PRDM5: variants seen among roughly 807,000 people sequenced by gnomAD.
PRDM5 encodes PR domain zinc finger protein 5.
In PRDM5, 56 loss-of-function variants were observed where a neutral mutation model predicts 81.2. The ratio of observed to expected loss-of-function variants is 0.69; its 90% CI spans 0.56 to 0.86. The LOEUF is 0.86. Among genes scored for constraint, PRDM5 ranks in the 40% least tolerant of loss-of-function variants. The pLI is 0.00. For missense variants in PRDM5, 697 were observed against 770.1 expected (o/e 0.91, Z 1.12); for synonymous variants, 267 against 256.4 (o/e 1.04, Z -0.39).
At chr4:120,913,337 G>C (rs1297885568) in intron 1 of PRDM5, among the ~76,000 whole-genome samples, 1 of 152,152 alleles carries the variant, frequency 6.6e-6, no homozygotes, top group Non-Finnish European at 1.5e-5. Context: ...CTGACATTTT[G>C]AGCCACTGAA....
intron 3 of PRDM5, chr4:120,838,397 C>T (rs1199560808): frequency 7.9e-5 from 12 of 152,138 alleles, no homozygotes; most frequent in Non-Finnish European, 1.5e-4. Context: ...TCAGCATATC[C>T]ATCATCTCAA....
At chr4:120,910,955 T>C (rs939396684) in intron 1 of PRDM5, among the ~76,000 whole-genome samples, 4 of 152,340 alleles carry the variant, frequency 2.6e-5, no homozygotes, top group African/African-American at 7.2e-5. Context: ...TCTTCCATTT[T>C]CTTGCTGTCC....
At chr4:120,728,293 C>CT in intron 14 of PRDM5, among the ~76,000 whole-genome samples, 1 of 152,154 alleles carries the variant, frequency 6.6e-6, no homozygotes, top group Admixed American at 6.5e-5. Context: ...ATCCATCTGT[C>CT]TGATATGTCA....
intron 8 of PRDM5, among the ~76,000 whole-genome samples, chr4:120,805,440 C>T (rs1752773326): frequency 1.3e-5 from 2 of 152,136 alleles, no homozygotes; most frequent in African/African-American, 4.8e-5. Flanking sequence ...AACATCGATG[C>T]AAAAATCCTC....
chr4:120,751,552 C>CATGT (rs981969854), intron 14 of PRDM5, among the ~76,000 whole-genome samples: 1 of 151,890 alleles, frequency 6.6e-6, no homozygotes, highest in African/African-American at 2.4e-5. Flanking sequence ...TAGCAGACTA[C>CATGT]AGATCTAAGC....
At chr4:120,887,091 G>A (rs1438218548) in intron 2 of PRDM5, among the ~76,000 whole-genome samples, 9 of 151,916 alleles carry the variant, frequency 5.9e-5, no homozygotes, top group African/African-American at 1.2e-4. Flanking sequence ...GACTACAGGC[G>A]CCCGCCACCA....
chr4:120,904,412 C>G (rs1397776338), intron 2 of PRDM5, among the ~76,000 whole-genome samples: 7 of 151,820 alleles, frequency 4.6e-5, no homozygotes, highest in Non-Finnish European at 1.0e-4. Context: ...TGGAAGGGAA[C>G]AGAGACTTTT....
intron 2 of PRDM5, among the ~76,000 whole-genome samples, chr4:120,885,114 G>A (rs556398968): frequency 6.7e-5 from 8 of 120,110 alleles, no homozygotes; most frequent in African/African-American, 1.7e-4. Context: ...CAGCCTGGGC[G>A]ACAGAGCAAG....
intron 2 of PRDM5, among the ~76,000 whole-genome samples, chr4:120,867,840 G>T (rs979783667): frequency 2.6e-5 from 4 of 152,210 alleles, no homozygotes; most frequent in Non-Finnish European, 4.4e-5. Flanking sequence ...TAGCACAAAA[G>T]TGAGAAAAAC....
At chr4:120,916,011 T>C (rs1363558950) in intron 1 of PRDM5, among the ~76,000 whole-genome samples, 3 of 152,182 alleles carry the variant, frequency 2.0e-5, no homozygotes, top group Non-Finnish European at 4.4e-5. Context: ...AGAAAATTCA[T>C]TGCCAGAAGA....
At chr4:120,744,476 A>C (rs945674478) in intron 14 of PRDM5, among the ~76,000 whole-genome samples, 6 of 151,832 alleles carry the variant, frequency 4.0e-5, no homozygotes, top group African/African-American at 1.5e-4. Context: ...CCTTCAAAAA[A>C]TTAATGAATC....
intron 4 of PRDM5, among the ~76,000 whole-genome samples, chr4:120,819,775 C>T (rs1755021758): frequency 6.6e-6 from 1 of 152,104 alleles, no homozygotes; most frequent in African/African-American, 2.4e-5. Flanking sequence ...AAAGAAAACA[C>T]AGAATAACAC....
chr4:120,834,222 T>C (rs1240693974), intron 3 of PRDM5, among the ~76,000 whole-genome samples: 2 of 152,188 alleles, frequency 1.3e-5, no homozygotes, highest in African/African-American at 4.8e-5. Context: ...ATTTTATATG[T>C]GCTGAATATT....
intron 12 of PRDM5, 37 bp from the exon 13 acceptor site, chr4:120,777,318 C>G: frequency 6.2e-7 from 1 of 1,612,448 alleles, no homozygotes; most frequent in Non-Finnish European, 8.5e-7. Flanking sequence ...AGGATAAATA[C>G]AAAGAATTAG....
chr4:120,729,411 T>G (rs1221649670), intron 14 of PRDM5, among the ~76,000 whole-genome samples: 1 of 152,128 alleles, frequency 6.6e-6, no homozygotes, highest in Admixed American at 6.5e-5. Flanking sequence ...ACAACATCCA[T>G]GAGATGAAGG....
intron 2 of PRDM5, among the ~76,000 whole-genome samples, chr4:120,856,373 A>T (rs1433422013): frequency 6.6e-6 from 1 of 152,220 alleles, no homozygotes; most frequent in African/African-American, 2.4e-5. Flanking sequence ...TTTGTTCATT[A>T]ACAGAATCAC....
chr4:120,849,484 T>C (rs1291730738), intron 3 of PRDM5, among the ~76,000 whole-genome samples: 3 of 152,120 alleles, frequency 2.0e-5, no homozygotes, highest in Admixed American at 6.5e-5. Context: ...ATTTAGACCA[T>C]CCTCACATCC....
downstream of PRDM5, among the ~76,000 whole-genome samples, chr4:120,688,570 AT>A (rs1056918034): frequency 6.6e-6 from 1 of 152,058 alleles, no homozygotes; most frequent in African/African-American, 2.4e-5. Flanking sequence ...GCCATAAAGC[AT>A]TTTCCCCCAT....
chr4:120,742,629 A>G lies in PRDM5; in HGVS notation c.1623+11924T>C, dbSNP rs148093969. ...ACCAAGGCTTGAGAACTACGTGAAG[A>G]ATGCAAAAGCCTCAGGAGCCGAAGC... On this transcript the variant is annotated intron_variant, in intron 14 of 15. Transcript: ENST00000264808. Among the ~76,000 whole-genome samples, 361 of 152,360 alleles carry G rather than the reference A, an allele frequency of 2.4e-3. 1 individual carries two copies. The highest frequency in any genetic ancestry group is 8.4e-3 in the African/African-American group (348 of 41,584).
Sources: allele counts gnomAD v4.1 joint callset (sites outside exome capture counted in the v4.1 genomes callset), GRCh38; gene constraint gnomAD v4.1.1; transcripts MANE v1.5; gene names NCBI Gene and HGNC (gene_info 2026-07-23, HGNC 2026-07-21).